The following CAMKK2 variants were observed in gnomAD, a reference collection of about 807,000 sequenced individuals.
CAMKK2 encodes the protein calcium/calmodulin dependent protein kinase kinase 2.
CAMKK2 carries 30 observed loss-of-function variants against 67.2 expected under a neutral mutation model. The ratio of observed to expected loss-of-function variants is 0.45; its 90% CI spans 0.33 to 0.61. CAMKK2 has a LOEUF of 0.61. CAMKK2 is among the 20% of genes least tolerant of loss of function. The pLI is 0.02. For missense variants in CAMKK2, 643 were observed against 802.0 expected, an observed-to-expected ratio of 0.80 and a Z score of 2.39; for synonymous variants, 322 against 326.2, an observed-to-expected ratio of 0.99 and a Z score of 0.14.
intron 1 of CAMKK2, among the ~76,000 whole-genome samples, chr12:121,292,380 C>T (rs556800778): frequency 2.6e-5 from 4 of 152,260 alleles, no homozygotes; most frequent in South Asian, 2.1e-4. Flanking sequence ...CTACCCGCCT[C>T]GGCCTCCCAA....
At chr12:121,267,846 T>C (rs1593395649) in intron 5 of CAMKK2, among the ~76,000 whole-genome samples, 1 of 151,892 alleles carries the variant, frequency 6.6e-6, no homozygotes, top group South Asian at 2.1e-4. Flanking sequence ...ATATCTGATA[T>C]CTATCAGCAT....
chr12:121,280,144 C>T lies in CAMKK2; in HGVS notation c.-59-5559G>A, dbSNP rs1017503654. 4.6e-5 allele frequency among the ~76,000 whole-genome samples: 7 copies of T among 152,284 alleles called. 2 individuals carry two copies. The highest frequency in any genetic ancestry group is 2.1e-4 in the South Asian group (1 of 4,826). ...GCCAGCCAAAGTCAGGGACCCCAAACGGAGGGACCGGCTAAAGCCATGGCA... is the reference window on the plus strand; with the variant it reads ...GCCAGCCAAAGTCAGGGACCCCAAATGGAGGGACCGGCTAAAGCCATGGCA... On this transcript the variant is annotated intron_variant, in intron 1 of 16. Coordinates refer to ENST00000404169, the MANE Select transcript of CAMKK2 (RefSeq NM_001270485.2).
At chr12:121,256,119 G>A (rs1168225499) in intron 7 of CAMKK2, among the ~76,000 whole-genome samples, 1 of 152,196 alleles carries the variant, frequency 6.6e-6, no homozygotes, top group Non-Finnish European at 1.5e-5. Flanking sequence ...GCTCACGCCA[G>A]TGTAATCCCA....
At chr12:121,263,711 G>T (rs1893935348) in intron 6 of CAMKK2, 95 bp downstream of exon 6, 9 of 1,253,942 alleles carry the variant, frequency 7.2e-6, no homozygotes, top group Non-Finnish European at 1.0e-5. Context: ...GAGCGGTCTG[G>T]TGTGACCTGG....
intron 5 of CAMKK2, among the ~76,000 whole-genome samples, chr12:121,266,462 A>G (rs1448856638): frequency 1.3e-5 from 2 of 151,894 alleles, no homozygotes; most frequent in African/African-American, 4.8e-5. Context: ...CAGCGTTTGG[A>G]TAAGCAGGAT....
chr12:121,274,242 G>A lies in CAMKK2; in HGVS notation c.285C>T (p.Ser95=), dbSNP rs143144419. Residue 95 remains serine (S), a synonymous_variant, in exon 2 of 17, where the codon TCC becomes TCT. Transcript: ENST00000404169. ...GCTCTTGCAGAGACAGCTTGCGACC[G>A]GAGAGGTGGGGCCGGGCCTGGGACC... The part of the protein sequence containing the change: ...TSGSQARPHL[S]GRKLSLQERS... 37 of 1,609,988 alleles carry A rather than the reference G, an allele frequency of 2.3e-5. No homozygotes were observed. The highest frequency in any genetic ancestry group is 1.5e-4 in the Admixed American group (9 of 59,738).
At chr12:121,263,696 G>T in intron 6 of CAMKK2, 110 bp downstream of exon 6, 1 of 940,776 alleles carries the variant, frequency 1.1e-6, no homozygotes, top group Non-Finnish European at 1.6e-6. Context: ...ACTCAGCCCT[G>T]CAGTGAGCGG....
At chr12:121,250,147 G>T in intron 11 of CAMKK2, 113 bp from the exon 12 acceptor site, 1 of 845,402 alleles carries the variant, frequency 1.2e-6, no homozygotes, top group Non-Finnish European at 1.9e-6. Context: ...CAACAATTGC[G>T]GCCCAGGCTA....
chr12:121,258,882 G>T (rs984446652), intron 7 of CAMKK2, among the ~76,000 whole-genome samples: 6 of 132,102 alleles, frequency 4.5e-5, no homozygotes, highest in Admixed American at 8.3e-5. Context: ...TCACTTTGTT[G>T]CCCAGGCTGG....
At chr12:121,251,541 C>A (rs1235568286) in intron 11 of CAMKK2, among the ~76,000 whole-genome samples, 1 of 152,094 alleles carries the variant, frequency 6.6e-6, no homozygotes, top group Non-Finnish European at 1.5e-5. Context: ...AACGAGAAGG[C>A]CAGGCGTGGT....
At position 121,238,060 on chromosome 12, in the gene CAMKK2, G is replaced by A. The variant is rs1210950921; in HGVS notation, c.*2639C>T. ...GCTGGAAGACAAGTGAGAGCGACAG[G>A]CCAGGCCTGTGTGTCCACCTGCACA... is the stretch of plus-strand genomic sequence containing the variant. On this transcript the variant is annotated 3_prime_UTR_variant, in exon 17 of 17. Transcript: ENST00000404169. 1 of 152,612 alleles carries A rather than the reference G, an allele frequency of 6.6e-6. No homozygotes were observed. Among genetic ancestry groups the A allele is most frequent in the Non-Finnish European group, 1.5e-5 (1 of 68,086 alleles). 9.5% of individuals were successfully genotyped at this position (152,612 alleles called of 1,614,324 possible).
At position 121,274,359 on chromosome 12, in the gene CAMKK2, G is replaced by A. The variant is rs1188797690; in HGVS notation, c.168C>T (p.Thr56=). 13 of 1,613,494 alleles carry A rather than the reference G, an allele frequency of 8.1e-6. No homozygotes were observed. The African/African-American group carries it at 9.3e-5, about 12-fold the overall frequency. Residue 56 remains threonine (T), a synonymous_variant, in exon 2 of 17, where the codon ACC becomes ACT. Transcript: ENST00000404169. The stretch of plus-strand genomic sequence containing the variant: ...CCACAGCACAGCCCGGCTCACACTC[G>A]GTGACCACAATGAAGGACTCCATGC... The part of the protein sequence containing the change: ...HLGMESFIVV[T]ECEPGCAVDL...
chr12:121,269,695 C>T, intron 3 of CAMKK2, 114 bp from the exon 4 acceptor site: 1 of 789,878 alleles, frequency 1.3e-6, no homozygotes, highest in Non-Finnish European at 2.1e-6. Flanking sequence ...TGTCCCGCAA[C>T]TGTATTTTGT....
intron 1 of CAMKK2, among the ~76,000 whole-genome samples, chr12:121,282,485 C>T (rs560541486): frequency 1.3e-5 from 2 of 152,286 alleles, no homozygotes; most frequent in East Asian, 1.9e-4. Context: ...TTAGGGTGGG[C>T]CCCAGTCCAA....
At chr12:121,246,253 C>CGGG (rs146641557) in intron 14 of CAMKK2, among the ~76,000 whole-genome samples, 2 of 83,300 alleles carry the variant, frequency 2.4e-5, no homozygotes, top group Non-Finnish European at 5.5e-5. Flanking sequence ...AAAGAAGGAG[C>CGGG]GGGGGGGGGG....
At chr12:121,293,277 CAAAGA>C (rs1392868713) in intron 1 of CAMKK2, among the ~76,000 whole-genome samples, 5 of 152,040 alleles carry the variant, frequency 3.3e-5, no homozygotes, top group African/African-American at 9.7e-5. Context: ...AACTCCATCT[CAAAGA>C]AAAGAAAAGA....
At chr12:121,276,740 G>A (rs1187382448) in intron 1 of CAMKK2, among the ~76,000 whole-genome samples, 3 of 152,086 alleles carry the variant, frequency 2.0e-5, no homozygotes, top group South Asian at 2.1e-4. Flanking sequence ...ACAACAATAA[G>A]CCAGGTGTAG....
rs200499511 is a variant in CAMKK2, at chr12:121,269,596, A to G, written c.520-15T>C. ...CCATAGGAGCCCTGGATAAAGGGAG[A>G]TGCCCATGACATACTATCCAGAAGT... On this transcript the variant is annotated splice_polypyrimidine_tract_variant and intron_variant, in intron 3 of 16. Coordinates refer to ENST00000404169, the MANE Select transcript of CAMKK2 (RefSeq NM_001270485.2). The G allele has an allele frequency of 9.1e-5, 146 of 1,599,526 alleles. No individual in the cohort carries two copies. Among genetic ancestry groups the G allele is most frequent in the Non-Finnish European group, 1.2e-4 (137 of 1,170,550 alleles).
chr12:121,253,405 G>A lies in CAMKK2; in HGVS notation c.975C>T (p.His325=), dbSNP rs1005996052. 1 of 1,614,168 alleles carries A rather than the reference G, an allele frequency of 6.2e-7. No individual in the cohort carries two copies. The highest frequency in any genetic ancestry group is 1.6e-4 in the Middle Eastern group (1 of 6,062). The change falls in exon 10 of 17, where the codon CAC becomes CAT. Residue 325 remains histidine (H), a synonymous_variant. Transcript: ENST00000404169. This position sits in a 1 kb window ranked among gnomAD's most constrained non-coding sequence, Gnocchi z 5.0. ...PSNLLVGEDG[H]IKIADFGVSN... ...TCACACCAAAGTCAGCGATCTTGAT[G>A]TGCCCATCTTCTCCGACCAGGAGGT...
Sources: allele counts gnomAD v4.1 joint callset (sites outside exome capture counted in the v4.1 genomes callset), GRCh38; gene constraint gnomAD v4.1.1; non-coding constraint Gnocchi (gnomAD v3.1); transcripts MANE v1.5; gene names NCBI Gene and HGNC (gene_info 2026-07-23, HGNC 2026-07-21).